GSK3B: variants seen among roughly 807,000 people sequenced by gnomAD.
The protein encoded by GSK3B is glycogen synthase kinase-3 beta.
GSK3B carries 15 observed loss-of-function variants against 56.4 expected under a neutral mutation model. The observed-to-expected ratio is 0.27, with a 90% CI of 0.18 to 0.41. The LOEUF is 0.41. Among genes scored for constraint, GSK3B ranks in the 10% least tolerant of loss-of-function variants. GSK3B has a pLI of 1.00. For missense variants in GSK3B, 300 were observed against 513.4 expected, an observed-to-expected ratio of 0.58 and a Z score of 4.02; for synonymous variants, 181 against 188.9, an observed-to-expected ratio of 0.96 and a Z score of 0.34.
intron 1 of GSK3B, chr3:120,029,495 C>T: frequency 4.6e-6 from 3 of 655,828 alleles, no homozygotes; most frequent in South Asian, 4.5e-5. Flanking sequence ...GTGTTATTTC[C>T]AATTGTGTCA....
chr3:119,945,825 T>C (rs2057094479), intron 3 of GSK3B, among the ~76,000 whole-genome samples: 2 of 152,010 alleles, frequency 1.3e-5, no homozygotes, highest in South Asian at 4.2e-4. Context: ...GAACAAATAA[T>C]TCTTACCCAG....
intron 1 of GSK3B, among the ~76,000 whole-genome samples, chr3:120,008,545 A>G (rs2057749644): frequency 6.6e-6 from 1 of 152,158 alleles, no homozygotes; most frequent in Non-Finnish European, 1.5e-5. Context: ...AGGCCTCAGA[A>G]ATGCCACCAC....
intron 9 of GSK3B, among the ~76,000 whole-genome samples, chr3:119,845,400 G>A (rs1016560809): frequency 6.6e-6 from 1 of 152,222 alleles, no homozygotes; most frequent in African/African-American, 2.4e-5. Context: ...TGACATGACT[G>A]TATATTTAGA....
intron 2 of GSK3B, among the ~76,000 whole-genome samples, chr3:119,955,227 CAACAGCTAAAAAAAAAAAA>C (rs1559851774): frequency 6.9e-6 from 1 of 144,476 alleles, no homozygotes; most frequent in Non-Finnish European, 1.5e-5. Context: ...CTAAAAGAAC[CAACAGCTAAAAAAAAAAAA>C]AAACACAAAA....
chr3:119,967,042 T>C (rs1425964595), intron 2 of GSK3B, among the ~76,000 whole-genome samples: 4 of 152,112 alleles, frequency 2.6e-5, no homozygotes, highest in Admixed American at 6.5e-5. Flanking sequence ...ATTCCCAAAA[T>C]TGATCTACAG....
chr3:120,029,074 G>A (rs2057954009), intron 1 of GSK3B: 3 of 763,148 alleles, frequency 3.9e-6, no homozygotes, highest in Non-Finnish European at 6.7e-6. Context: ...CTGTGCATTT[G>A]GATCAGCTAC....
intron 7 of GSK3B, among the ~76,000 whole-genome samples, chr3:119,902,819 A>G (rs2056638185): frequency 6.6e-6 from 1 of 152,018 alleles, no homozygotes; most frequent in Non-Finnish European, 1.5e-5. Context: ...GGCTGAAGCT[A>G]CCCTCCCACT....
intron 4 of GSK3B, among the ~76,000 whole-genome samples, chr3:119,920,615 G>A (rs971735462): frequency 6.6e-6 from 1 of 152,162 alleles, no homozygotes; most frequent in Non-Finnish European, 1.5e-5. Flanking sequence ...ACTGAGCTGT[G>A]CTTAGATCTT....
intron 1 of GSK3B, among the ~76,000 whole-genome samples, chr3:120,052,858 T>G (rs972498444): frequency 1.3e-5 from 2 of 152,332 alleles, no homozygotes; most frequent in South Asian, 2.1e-4. Context: ...TTTCATGCAT[T>G]ACATCATTTA....
At chr3:119,963,454 G>T (rs765616655) in intron 2 of GSK3B, among the ~76,000 whole-genome samples, 5 of 151,688 alleles carry the variant, frequency 3.3e-5, no homozygotes, top group African/African-American at 9.7e-5. Flanking sequence ...TAAAACTACA[G>T]TAATCAAAAC....
chr3:120,091,808 T>C (rs2058515077), intron 1 of GSK3B, among the ~76,000 whole-genome samples: 1 of 151,636 alleles, frequency 6.6e-6, no homozygotes, highest in South Asian at 2.1e-4. Context: ...GGGCATTCTC[T>C]ACTTGCAAGC....
At chr3:119,930,337 T>C (rs138256735) in intron 3 of GSK3B, among the ~76,000 whole-genome samples, 10 of 152,116 alleles carry the variant, frequency 6.6e-5, no homozygotes, top group South Asian at 2.1e-4. Flanking sequence ...AGCCAAATTG[T>C]GTAACGCAAT....
chr3:120,059,984 T>A (rs2107551316), intron 1 of GSK3B, among the ~76,000 whole-genome samples: 1 of 152,140 alleles, frequency 6.6e-6, no homozygotes, highest in East Asian at 1.9e-4. Flanking sequence ...TCAAAAAAAA[T>A]TTTACTGAAA....
chr3:120,084,120 T>C (rs974842264), intron 1 of GSK3B, among the ~76,000 whole-genome samples: 12 of 152,354 alleles, frequency 7.9e-5, no homozygotes, highest in South Asian at 2.1e-4. Flanking sequence ...ATGTGAATTA[T>C]ATCTCAATAA....
chr3:119,956,216 C>G (rs976294707), intron 2 of GSK3B, among the ~76,000 whole-genome samples: 1 of 152,132 alleles, frequency 6.6e-6, no homozygotes, highest in African/African-American at 2.4e-5. Flanking sequence ...GTTTTGGAAG[C>G]AGAAAGAAGT....
At chr3:119,885,706 CAT>C (rs1348826453) in intron 7 of GSK3B, among the ~76,000 whole-genome samples, 2 of 152,032 alleles carry the variant, frequency 1.3e-5, no homozygotes, top group East Asian at 3.8e-4. Flanking sequence ...AAAACAGATT[CAT>C]AGACCAATGG....
intron 1 of GSK3B, among the ~76,000 whole-genome samples, chr3:120,058,121 G>A (rs1158837280): frequency 6.6e-6 from 1 of 151,920 alleles, no homozygotes; most frequent in Non-Finnish European, 1.5e-5. Context: ...TTCAATTTGG[G>A]GGGAACAGTT....
intron 2 of GSK3B, among the ~76,000 whole-genome samples, chr3:119,975,383 G>T (rs1281611727): frequency 6.6e-6 from 1 of 152,134 alleles, no homozygotes; most frequent in Non-Finnish European, 1.5e-5. Flanking sequence ...GGAGGCGGAA[G>T]TTGCAGTGAG....
intron 2 of GSK3B, among the ~76,000 whole-genome samples, chr3:119,954,222 GAGAATAGAATAGAATAGAAT>G (rs1262281777): frequency 0.11 from 10,738 of 101,362 alleles, 599 homozygotes; most frequent in Middle Eastern, 0.15. Flanking sequence ...AGTGTGGAAG[GAGAATAGAATAGAATAGAAT>G]AGAATAGAAT....
Sources: gnomAD v4.1 joint callset for allele counts (sites outside exome capture counted in the v4.1 genomes callset) on GRCh38, gnomAD v4.1.1 for gene constraint, MANE v1.5 for transcripts, NCBI Gene and HGNC (gene_info 2026-07-23, HGNC 2026-07-21) for gene names.